The following CRY2 variants were observed in gnomAD, a reference collection of about 807,000 sequenced individuals.
The protein encoded by CRY2 is cryptochrome circadian regulator 2.
CRY2 carries 31 observed loss-of-function variants against 69.5 expected under a neutral mutation model. The observed-to-expected ratio is 0.45, with a 90% confidence interval of 0.34 to 0.60. CRY2 has a LOEUF of 0.60. Ranked by LOEUF, CRY2 falls within the 20% of genes least tolerant of loss-of-function variation. The pLI is 0.02. For missense variants in CRY2, 606 were observed against 797.8 expected, an observed-to-expected ratio of 0.76 and a Z score of 2.90; for synonymous variants, 303 against 312.2, an observed-to-expected ratio of 0.97 and a Z score of 0.31.
At chr11:45,862,929 GC>G (rs1318236474) in intron 5 of CRY2, among the ~76,000 whole-genome samples, 2 of 152,166 alleles carry the variant, frequency 1.3e-5, no homozygotes, top group African/African-American at 2.4e-5. Context: ...CTAGTTTCCT[GC>G]CCCCTGCAGC....
At position 45,870,796 on chromosome 11, in the gene CRY2, C is replaced by T. The variant is rs776280492; in HGVS notation, c.1550-46C>T. Reference sequence around the variant, plus strand: ...CTTCATCCTGCCCTGTAGCCCTCTGCAATCCTGCGAGACGGCACTCTGATT... The same window carrying T: ...CTTCATCCTGCCCTGTAGCCCTCTGTAATCCTGCGAGACGGCACTCTGATT... On this transcript the variant is annotated intron_variant, in intron 9 of 11. Coordinates refer to ENST00000616080, the MANE Select transcript of CRY2 (RefSeq NM_021117.5). The T allele has an allele frequency of 2.8e-5, 43 of 1,518,594 alleles. No homozygotes were observed. In the East Asian group the frequency reaches 9.3e-4, roughly 33 times the overall value. The allele number at this position is 1,518,594 out of a possible 1,614,324, so 94.1% of individuals were successfully genotyped here. A position where few individuals can be genotyped will look rare whatever the true frequency, so the allele number is the denominator to read the frequency against.
chr11:45,871,234 C>G (rs1054567767), intron 10 of CRY2, among the ~76,000 whole-genome samples: 8 of 152,172 alleles, frequency 5.3e-5, no homozygotes, highest in Non-Finnish European at 1.0e-4. Context: ...GGAGCCAGCC[C>G]TGCCACACAC....
chr11:45,866,473 CAAG>C (rs2086331565), intron 5 of CRY2, among the ~76,000 whole-genome samples: 1 of 152,158 alleles, frequency 6.6e-6, no homozygotes, highest in Non-Finnish European at 1.5e-5. Flanking sequence ...GCCAAGGAAT[CAAG>C]AGGATAAGAC....
At chr11:45,854,944 G>GT (rs2086227981) in intron 1 of CRY2, among the ~76,000 whole-genome samples, 1 of 152,182 alleles carries the variant, frequency 6.6e-6, no homozygotes, top group Admixed American at 6.5e-5. Context: ...GATAACCTTG[G>GT]TTGCCTCTGG....
intron 10 of CRY2, 87 bp from the exon 11 acceptor site, chr11:45,872,005 G>C (rs1453730218): frequency 1.9e-6 from 3 of 1,538,588 alleles, no homozygotes; most frequent in Non-Finnish European, 2.7e-6. Flanking sequence ...TGTGCTCCCT[G>C]TCCCCTAAAG....
chr11:45,863,552 G>A (rs1231856746), intron 5 of CRY2, among the ~76,000 whole-genome samples: 1 of 151,420 alleles, frequency 6.6e-6, no homozygotes, highest in East Asian at 1.9e-4. Flanking sequence ...ATTTCAGGAT[G>A]TTTATTTTAG....
chr11:45,855,904 A>G, intron 1 of CRY2, 78 bp from the exon 2 acceptor site: 3 of 1,268,460 alleles, frequency 2.4e-6, no homozygotes, highest in Non-Finnish European at 3.5e-6. Context: ...ACAGCGAACC[A>G]GTTTCTCCCT....
rs770619984 is a variant in CRY2 at position 45,861,046 on chromosome 11, GCC to G, written c.652+16_652+17del. 8.5e-5 allele frequency: 137 copies of G among 1,602,736 alleles called. No homozygotes were observed. In the East Asian group the frequency reaches 2.7e-3, roughly 31 times the overall value. The stretch of plus-strand genomic sequence containing the variant: ...TGGAGGAGCTGGGTGCGTACTTCCT[GCC>G]CAGAGCCACTTGTGCTGGTGCCTGC... On this transcript the variant is annotated intron_variant, in intron 4 of 11. Transcript: ENST00000616080.
At chr11:45,859,623 T>A (rs2134634755) in intron 3 of CRY2, among the ~76,000 whole-genome samples, 1 of 151,936 alleles carries the variant, frequency 6.6e-6, no homozygotes, top group Non-Finnish European at 1.5e-5. Flanking sequence ...GCCATGTTGC[T>A]TGGTGGCGGG....
In CRY2 at chr11:45,848,291, A is replaced by T. The variant is rs1171955944; in HGVS notation, c.215+586A>T. On this transcript the variant is annotated intron_variant, in intron 1 of 11. Transcript: ENST00000616080. Reference sequence around the variant, plus strand: ...TAAATAAGGTCTTCTCCCCTATATTATAAATAAAGAAGCCAAAGGCGTCTT... The same window carrying T: ...TAAATAAGGTCTTCTCCCCTATATTTTAAATAAAGAAGCCAAAGGCGTCTT... 2.0e-5 allele frequency among the ~76,000 whole-genome samples: 3 copies of T among 152,258 alleles called. No homozygotes were observed. The East Asian group carries it at 5.8e-4, about 29-fold the overall frequency.
At chr11:45,880,000 T>C (rs1028960171) in intron 11 of CRY2, among the ~76,000 whole-genome samples, 14 of 152,322 alleles carry the variant, frequency 9.2e-5, no homozygotes, top group Middle Eastern at 6.8e-3. Flanking sequence ...AATGACCTCA[T>C]TTAACTTAAT....
upstream of CRY2, chr11:45,847,460 A>G (rs753677863): frequency 6.3e-7 from 1 of 1,596,762 alleles, no homozygotes; most frequent in South Asian, 1.1e-5. Context: ...ACCGGGGCGG[A>G]GCGGGGGTGG....
rs557748533 is a variant in CRY2 at position 45,854,892 on chromosome 11, C to T, written c.216-1090C>T. 9.9e-5 allele frequency among the ~76,000 whole-genome samples: 15 copies of T among 152,232 alleles called. No individual in the cohort carries two copies. The South Asian group carries it at 2.5e-3, about 25-fold the overall frequency. ...TCAAAATAGTTGAGAGAATTAAATG[C>T]AGAAATGCACTTAAAAAGCATGACA... is the stretch of plus-strand genomic sequence containing the variant. On this transcript the variant is annotated intron_variant, in intron 1 of 11. Transcript: ENST00000616080.
chr11:45,874,173 G>A (rs1055997297), intron 11 of CRY2, among the ~76,000 whole-genome samples: 1 of 152,032 alleles, frequency 6.6e-6, no homozygotes, highest in Admixed American at 6.6e-5. Flanking sequence ...CCAGCTACTC[G>A]GGAGGCTGGG....
rs1482360193 is a variant in CRY2 at position 45,858,501 on chromosome 11, C to T, written c.325-230C>T. On this transcript the variant is annotated intron_variant, in intron 2 of 11. Coordinates refer to ENST00000616080, the MANE Select transcript of CRY2 (RefSeq NM_021117.5). ...TGCACAAGGCTGCCTACCTCTCTCC[C>T]AACTCCACTGTTGCTGTGCTGTTGG... 14 of 511,478 alleles carry T rather than the reference C, an allele frequency of 2.7e-5. No homozygotes were observed. In the East Asian group the frequency reaches 4.2e-4, roughly 15 times the overall value. The allele number at this position is 511,478 out of a possible 1,614,324, so 31.7% of individuals were successfully genotyped here. A position where few individuals can be genotyped will look rare whatever the true frequency, so the allele number is the denominator to read the frequency against.
chr11:45,867,888 T>C (rs1248930623), intron 6 of CRY2, 136 bp downstream of exon 6: 6 of 1,146,898 alleles, frequency 5.2e-6, no homozygotes, highest in Admixed American at 2.5e-5. Context: ...TGTGTGCAGA[T>C]AGTCCGGAGG....
chr11:45,856,985 G>T (rs80354836), intron 2 of CRY2, among the ~76,000 whole-genome samples: 6,523 of 152,110 alleles, frequency 0.043, 424 homozygotes, highest in African/African-American at 0.13. Flanking sequence ...GGAACTCATG[G>T]ACAGAGGGCT....
At chr11:45,880,695 T>A (rs1177945280) in intron 11 of CRY2, among the ~76,000 whole-genome samples, 1 of 152,172 alleles carries the variant, frequency 6.6e-6, no homozygotes, top group Non-Finnish European at 1.5e-5. Flanking sequence ...AGTGGGGAGC[T>A]TGTCCTGCAT....
intron 2 of CRY2, among the ~76,000 whole-genome samples, chr11:45,857,889 G>T (rs866993655): frequency 6.6e-6 from 1 of 152,174 alleles, no homozygotes; most frequent in African/African-American, 2.4e-5. Context: ...CCCAGTCCCC[G>T]GGCAGGGCTG....
Sources: allele counts gnomAD v4.1 joint callset (sites outside exome capture counted in the v4.1 genomes callset), GRCh38; gene constraint gnomAD v4.1.1; transcripts MANE v1.5; gene names NCBI Gene and HGNC (gene_info 2026-07-23, HGNC 2026-07-21).